Variants in SLAIN2 observed in about 807,000 individuals in gnomAD.
SLAIN2 encodes the protein SLAIN motif-containing protein 2.
SLAIN2 carries 31 observed loss-of-function variants against 56.6 expected under a neutral mutation model. The observed-to-expected ratio is 0.55, with a 90% CI of 0.41 to 0.74. SLAIN2 has a LOEUF of 0.74. SLAIN2 is among the 30% of genes least tolerant of loss of function. The probability of loss-of-function intolerance (pLI) is 0.00; values close to 1 mark genes in which losing one functional copy is unlikely to be tolerated. For missense variants in SLAIN2, 777 were observed against 754.2 expected (o/e 1.03, Z -0.35); for synonymous variants, 317 against 284.9 (o/e 1.11, Z -1.13).
intron 6 of SLAIN2, among the ~76,000 whole-genome samples, chr4:48,401,085 A>G (rs1478288893): frequency 2.0e-5 from 3 of 152,130 alleles, no homozygotes; most frequent in Non-Finnish European, 4.4e-5. Flanking sequence ...TTCACTTTCC[A>G]TGTAGTTGTG....
intron 1 of SLAIN2, among the ~76,000 whole-genome samples, chr4:48,354,480 C>T (rs1442442896): frequency 1.3e-5 from 2 of 151,016 alleles, no homozygotes; most frequent in Non-Finnish European, 2.9e-5. Context: ...TTTTTTTTCC[C>T]CCCTCAGGCT....
At chr4:48,364,838 A>C (rs564941545) in intron 1 of SLAIN2, among the ~76,000 whole-genome samples, 1 of 117,600 alleles carries the variant, frequency 8.5e-6, no homozygotes, top group African/African-American at 3.2e-5. Context: ...TCGGCTCCGC[A>C]TGAGAGGGAG....
At chr4:48,385,418 C>T (rs1352225621) in intron 6 of SLAIN2, among the ~76,000 whole-genome samples, 2 of 152,090 alleles carry the variant, frequency 1.3e-5, no homozygotes, top group African/African-American at 4.8e-5. Flanking sequence ...CTTATTCACT[C>T]AGATCCTTGT....
At chr4:48,350,072 A>G (rs553117237) in intron 1 of SLAIN2, among the ~76,000 whole-genome samples, 7 of 152,378 alleles carry the variant, frequency 4.6e-5, no homozygotes, top group Admixed American at 1.3e-4. Context: ...CCACAAGTGT[A>G]ACTATTAAAA....
At chr4:48,416,758 G>C (rs1327038936) in intron 6 of SLAIN2, among the ~76,000 whole-genome samples, 1 of 146,246 alleles carries the variant, frequency 6.8e-6, no homozygotes, top group Non-Finnish European at 1.5e-5. Context: ...TGACTACTGG[G>C]TACATAACGA....
chr4:48,380,724 AC>A (rs1460345959), intron 4 of SLAIN2, among the ~76,000 whole-genome samples: 1 of 152,160 alleles, frequency 6.6e-6, no homozygotes, highest in Non-Finnish European at 1.5e-5. Context: ...TTCAACCTTT[AC>A]AATGAAAAGA....
intron 3 of SLAIN2, among the ~76,000 whole-genome samples, chr4:48,379,376 T>C (rs1715913917): frequency 1.3e-5 from 2 of 152,146 alleles, no homozygotes; most frequent in Admixed American, 1.3e-4. Flanking sequence ...TTGTGCAAGT[T>C]GAAATCCTTA....
At chr4:48,375,597 T>G (rs551516272) in intron 2 of SLAIN2, among the ~76,000 whole-genome samples, 2 of 152,340 alleles carry the variant, frequency 1.3e-5, no homozygotes, top group African/African-American at 2.4e-5. Flanking sequence ...GATCAGATCA[T>G]ATCATATGCT....
At chr4:48,374,702 G>C (rs560263007) in intron 2 of SLAIN2, among the ~76,000 whole-genome samples, 1 of 152,294 alleles carries the variant, frequency 6.6e-6, no homozygotes, top group South Asian at 2.1e-4. Context: ...AGTGAATGTA[G>C]GATGCCTTTG....
intron 2 of SLAIN2, among the ~76,000 whole-genome samples, chr4:48,371,611 T>C (rs939047470): frequency 9.2e-5 from 14 of 152,066 alleles, no homozygotes; most frequent in Non-Finnish European, 1.6e-4. Flanking sequence ...ATTTTCTGAC[T>C]ATATATTGAG....
chr4:48,386,841 G>C (rs1716114326), intron 6 of SLAIN2, among the ~76,000 whole-genome samples: 2 of 151,826 alleles, frequency 1.3e-5, no homozygotes, highest in African/African-American at 4.8e-5. Flanking sequence ...GACACATTTG[G>C]CTGATGCAAA....
chr4:48,407,132 T>C (rs1197212802), intron 6 of SLAIN2, among the ~76,000 whole-genome samples: 2 of 152,110 alleles, frequency 1.3e-5, no homozygotes, highest in Non-Finnish European at 2.9e-5. Flanking sequence ...GTTGTATGCA[T>C]GTTCGAGGTT....
At chr4:48,361,977 G>A (rs1011555622) in intron 1 of SLAIN2, among the ~76,000 whole-genome samples, 1 of 152,176 alleles carries the variant, frequency 6.6e-6, no homozygotes, top group Non-Finnish European at 1.5e-5. Context: ...TTTATTGATA[G>A]TGTTTAGAAA....
At chr4:48,385,628 C>CT (rs975576079) in intron 6 of SLAIN2, among the ~76,000 whole-genome samples, 11 of 121,982 alleles carry the variant, frequency 9.0e-5, no homozygotes, top group African/African-American at 1.3e-4. Flanking sequence ...TCATTTTCAT[C>CT]TTTTTTTTTC....
At chr4:48,409,067 T>G (rs932105828) in intron 6 of SLAIN2, among the ~76,000 whole-genome samples, 1 of 152,148 alleles carries the variant, frequency 6.6e-6, no homozygotes, top group Non-Finnish European at 1.5e-5. Context: ...TGTGTGTACA[T>G]AGTAGGTGTG....
chr4:48,344,655 A>G (rs1714816328), intron 1 of SLAIN2, among the ~76,000 whole-genome samples: 1 of 152,090 alleles, frequency 6.6e-6, no homozygotes, highest in African/African-American at 2.4e-5. Flanking sequence ...TATCTTTTTT[A>G]GAAAACAGTG....
Position 48,345,300 on chromosome 4 carries a change from C to A in SLAIN2, c.389+3172C>A, listed in dbSNP as rs116085266. On this transcript the variant is annotated intron_variant, in intron 1 of 7. Transcript: ENST00000264313. ...TGCCACACACTGTGAGCATTCCCTT[C>A]TCTTCTTCAGAGTAAATAATCCCAG... is the stretch of plus-strand genomic sequence containing the variant. Among the ~76,000 whole-genome samples, 610 of 152,362 alleles carry A rather than the reference C, an allele frequency of 4.0e-3. 3 individuals are homozygous for A. Among genetic ancestry groups the A allele is most frequent in the African/African-American group, 0.013 (546 of 41,578 alleles).
rs773703176 is a variant in SLAIN2 at position 48,369,999 on chromosome 4, T to C, written c.538+2T>C. 1 of 1,612,578 alleles carries C rather than the reference T, an allele frequency of 6.2e-7. No individual in the cohort carries two copies. On this transcript the variant is annotated splice_donor_variant, in intron 2 of 7. Coordinates refer to ENST00000264313, the MANE Select transcript of SLAIN2 (RefSeq NM_020846.2). LOFTEE classifies it high-confidence loss of function. The stretch of plus-strand genomic sequence containing the variant: ...ACAAACTTGATCAAACTATGTCAGG[T>C]ATGTCTATAATTTTGCTTGTAAATT...
chr4:48,351,751 T>A (rs550479043), intron 1 of SLAIN2, among the ~76,000 whole-genome samples: 98 of 152,364 alleles, frequency 6.4e-4, no homozygotes, highest in African/African-American at 2.3e-3. Flanking sequence ...TTTAAATTAC[T>A]GAGTGGAGCA....
Sources: gnomAD v4.1 joint callset for allele counts (sites outside exome capture counted in the v4.1 genomes callset) on GRCh38, gnomAD v4.1.1 for gene constraint, MANE v1.5 for transcripts, NCBI Gene and HGNC (gene_info 2026-07-23, HGNC 2026-07-21) for gene names.